The following TAF4B variants were observed in gnomAD, a reference collection of about 807,000 sequenced individuals.
TAF4B encodes TATA-box binding protein associated factor 4b, also known as transcription initiation factor TFIID subunit 4B.
In TAF4B, 38 loss-of-function variants were observed where a neutral mutation model predicts 86.4. The ratio of observed to expected loss-of-function variants is 0.44; its 90% CI spans 0.34 to 0.58. The LOEUF (loss-of-function observed/expected upper bound fraction) is 0.58, where lower values mean the gene tolerates loss of function less well. TAF4B is among the 20% of genes least tolerant of loss of function. The pLI is 0.02. For synonymous variants in TAF4B, 388 were observed against 391.2 expected, an observed-to-expected ratio of 0.99 and a Z score of 0.10; for missense variants, 988 against 1,027.6, an observed-to-expected ratio of 0.96 and a Z score of 0.53.
chr18:26,284,777 G>C (rs528311961), intron 6 of TAF4B, among the ~76,000 whole-genome samples: 1 of 152,160 alleles, frequency 6.6e-6, no homozygotes, highest in East Asian at 1.9e-4. Context: ...GCTGAGGCAG[G>C]AGAATCTCTT....
At chr18:26,232,650 G>C (rs562597917) in intron 1 of TAF4B, among the ~76,000 whole-genome samples, 3 of 152,036 alleles carry the variant, frequency 2.0e-5, no homozygotes, top group Admixed American at 1.3e-4. Flanking sequence ...GTGGCATCTC[G>C]TACTATCCCT....
At chr18:26,259,252 G>A (rs1598733826) in intron 1 of TAF4B, among the ~76,000 whole-genome samples, 1 of 146,766 alleles carries the variant, frequency 6.8e-6, no homozygotes, top group South Asian at 2.2e-4. Context: ...CTTTAATGGT[G>A]TTCCATGTTT....
chr18:26,332,586 A>G (rs1048709844), intron 12 of TAF4B, among the ~76,000 whole-genome samples: 2 of 151,402 alleles, frequency 1.3e-5, no homozygotes, highest in South Asian at 2.1e-4. Flanking sequence ...CTGGAGTGCA[A>G]TGGGGTGGTC....
chr18:26,341,787 C>T (rs906460582), intron 13 of TAF4B, among the ~76,000 whole-genome samples: 3 of 152,160 alleles, frequency 2.0e-5, no homozygotes, highest in Non-Finnish European at 4.4e-5. Context: ...TCTTGTATTT[C>T]GGTTGTGGTA....
intron 13 of TAF4B, 78 bp from the exon 14 acceptor site, chr18:26,357,612 A>T: frequency 1.1e-6 from 1 of 939,328 alleles, no homozygotes; most frequent in Non-Finnish European, 1.6e-6. Context: ...ATGCAGAATT[A>T]GGCTTAGTAA....
chr18:26,244,109 G>A (rs1225546559), intron 1 of TAF4B, among the ~76,000 whole-genome samples: 2 of 152,200 alleles, frequency 1.3e-5, no homozygotes, highest in African/African-American at 4.8e-5. Context: ...AAAGCTGTCC[G>A]ACAGGGATGT....
intron 10 of TAF4B, 51 bp from the exon 11 acceptor site, chr18:26,321,019 C>T (rs2056956993): frequency 6.9e-6 from 11 of 1,604,804 alleles, no homozygotes; most frequent in Non-Finnish European, 8.5e-6. Context: ...CTAATTATTT[C>T]AATTATCAGC....
intron 13 of TAF4B, among the ~76,000 whole-genome samples, chr18:26,346,787 A>ATATATATGTGTG (rs1459445751): frequency 2.1e-4 from 5 of 24,142 alleles, no homozygotes; most frequent in East Asian, 4.5e-3. Flanking sequence ...GTGTGTATAT[A>ATATATATGTGTG]TATATATATA....
intron 1 of TAF4B, 31 bp from the exon 2 acceptor site, chr18:26,265,139 G>A (rs1388349142): frequency 1.3e-6 from 2 of 1,599,438 alleles, no homozygotes; most frequent in East Asian, 4.5e-5. Flanking sequence ...TAGTGGCTCA[G>A]AGGTCACTTT....
chr18:26,252,687 T>C (rs2144502616), intron 1 of TAF4B, among the ~76,000 whole-genome samples: 2 of 152,228 alleles, frequency 1.3e-5, no homozygotes, highest in African/African-American at 4.8e-5. Context: ...TAGTACACAG[T>C]ATTACAGCGT....
At chr18:26,366,082 G>A (rs1026090294) in intron 14 of TAF4B, among the ~76,000 whole-genome samples, 6 of 152,196 alleles carry the variant, frequency 3.9e-5, no homozygotes, top group Admixed American at 2.6e-4. Flanking sequence ...GAGCCACTGC[G>A]CCCGGCCTAT....
intron 9 of TAF4B, among the ~76,000 whole-genome samples, chr18:26,296,294 G>T (rs1486852288): frequency 6.6e-6 from 1 of 151,998 alleles, no homozygotes; most frequent in African/African-American, 2.4e-5. Context: ...TTCCTTCCAA[G>T]AATCTGCACA....
chr18:26,373,860 C>A (rs986878566), intron 14 of TAF4B, among the ~76,000 whole-genome samples: 4 of 152,072 alleles, frequency 2.6e-5, no homozygotes, highest in Non-Finnish European at 4.4e-5. Flanking sequence ...ATTTAGTAGT[C>A]CAAAAAGTTA....
chr18:26,362,380 A>C (rs1233553591), intron 14 of TAF4B, among the ~76,000 whole-genome samples: 1 of 152,232 alleles, frequency 6.6e-6, no homozygotes, highest in Admixed American at 6.5e-5. Flanking sequence ...GTATTTTATC[A>C]GTAGCATTAA....
chr18:26,297,697 A>T (rs2056680771), intron 9 of TAF4B, among the ~76,000 whole-genome samples: 1 of 152,124 alleles, frequency 6.6e-6, no homozygotes, highest in South Asian at 2.1e-4. Context: ...ATATTTTATT[A>T]TACAGGTATA....
At chr18:26,312,939 T>C (rs893761347) in intron 9 of TAF4B, among the ~76,000 whole-genome samples, 1 of 152,218 alleles carries the variant, frequency 6.6e-6, no homozygotes, top group African/African-American at 2.4e-5. Context: ...TCCATATATA[T>C]AGTACAACAT....
At position 26,346,875 on chromosome 18, in the gene TAF4B, GTGTATATA is replaced by G. The variant is rs1567914166; in HGVS notation, c.2317-10813_2317-10806del. ...TATATATATGTGTATATATATATAT[GTGTATATA>G]TATATATATATATATATGTGTGTGT... On this transcript the variant is annotated intron_variant, in intron 13 of 14. Coordinates refer to ENST00000269142, the MANE Select transcript of TAF4B (RefSeq NM_005640.3). 2.5e-3 allele frequency among the ~76,000 whole-genome samples: 13 copies of G among 5,132 alleles called. 2 individuals are homozygous for G. The highest frequency in any genetic ancestry group is 8.5e-3 in the Admixed American group (3 of 352). 3.4% of individuals were successfully genotyped at this position (5,132 alleles called of 152,430 possible). A position where few individuals can be genotyped will look rare whatever the true frequency, so the allele number is the denominator to read the frequency against.
intron 1 of TAF4B, among the ~76,000 whole-genome samples, chr18:26,232,784 G>A (rs1417020312): frequency 6.6e-6 from 1 of 152,242 alleles, no homozygotes; most frequent in African/African-American, 2.4e-5. Context: ...GTCTATTTGG[G>A]ATTGTAGAGT....
At chr18:26,256,010 T>C in intron 1 of TAF4B, 1 of 1,269,610 alleles carries the variant, frequency 7.9e-7, no homozygotes. Flanking sequence ...AGAATTACGA[T>C]GTTTAAATTC....
Sources: allele counts gnomAD v4.1 joint callset (sites outside exome capture counted in the v4.1 genomes callset), GRCh38; gene constraint gnomAD v4.1.1; transcripts MANE v1.5; gene names NCBI Gene and HGNC (gene_info 2026-07-23, HGNC 2026-07-21).